PDCD10: variants seen among roughly 807,000 people sequenced by gnomAD.
The protein encoded by PDCD10 is programmed cell death 10.
A neutral mutation model predicts 29.2 loss-of-function variants in PDCD10; 4 were observed. The observed-to-expected ratio is 0.14, with a 90% CI of 0.07 to 0.31. PDCD10 has a LOEUF of 0.31. PDCD10 is among the 10% of genes least tolerant of loss of function. PDCD10 has a pLI of 1.00. For missense variants in PDCD10, 183 were observed against 257.9 expected (o/e 0.71, Z 1.99); for synonymous variants, 70 against 82.2 (o/e 0.85, Z 0.80).
At chr3:167,693,334 G>GT (rs1720458857) in intron 6 of PDCD10, among the ~76,000 whole-genome samples, 1 of 152,144 alleles carries the variant, frequency 6.6e-6, no homozygotes, top group Admixed American at 6.5e-5. Flanking sequence ...AAAAAGCCAC[G>GT]TATCATTATT....
intron 3 of PDCD10, among the ~76,000 whole-genome samples, chr3:167,712,280 T>C (rs1025053787): frequency 6.6e-6 from 1 of 152,104 alleles, no homozygotes; most frequent in South Asian, 2.1e-4. Flanking sequence ...ATAGAGATTT[T>C]ATTAGTTTTC....
In PDCD10 at chr3:167,724,424, G is replaced by C. The variant is rs150957844; in HGVS notation, c.-116-4151C>G. ...TTGATTGACTGACTGATGTATGCTG[G>C]ATCTCCAACAAATGTGCATGAACAT... On this transcript the variant is annotated intron_variant, in intron 2 of 8. Transcript: ENST00000392750. 1.8e-4 allele frequency among the ~76,000 whole-genome samples: 27 copies of C among 152,222 alleles called. No homozygotes were observed. In the East Asian group the frequency reaches 5.0e-3, roughly 28 times the overall value.
chr3:167,719,709 T>C (rs148519955), intron 3 of PDCD10, among the ~76,000 whole-genome samples: 360 of 152,272 alleles, frequency 2.4e-3, no homozygotes, highest in Non-Finnish European at 3.1e-3. Context: ...TTAGGATATA[T>C]GTCTCTTCTT....
At chr3:167,705,024 C>A in intron 3 of PDCD10, 129 bp from the exon 4 acceptor site, 1 of 589,852 alleles carries the variant, frequency 1.7e-6, no homozygotes, top group Non-Finnish European at 3.0e-6. Flanking sequence ...AACAATTGTA[C>A]ATCACCGTAA....
Position 167,724,212 on chromosome 3 carries a change from G to C in PDCD10, c.-116-3939C>G, listed in dbSNP as rs577875180. The stretch of plus-strand genomic sequence containing the variant: ...AAATGAAAGGAGAGGAACAACAGAA[G>C]CTCTTGGTACTGGTATAGGCACTTC... On this transcript the variant is annotated intron_variant, in intron 2 of 8. Coordinates refer to ENST00000392750, the MANE Select transcript of PDCD10 (RefSeq NM_007217.4). Among the ~76,000 whole-genome samples, 4 of 152,304 alleles carry C rather than the reference G, an allele frequency of 2.6e-5. No individual in the cohort carries two copies. The South Asian group carries it at 8.3e-4, about 32-fold the overall frequency.
At chr3:167,686,690 G>A (rs917229868) in intron 8 of PDCD10, among the ~76,000 whole-genome samples, 14 of 152,150 alleles carry the variant, frequency 9.2e-5, no homozygotes, top group Admixed American at 9.2e-4. Flanking sequence ...GGACCCTCGA[G>A]CAATTTGCAA....
intron 3 of PDCD10, among the ~76,000 whole-genome samples, chr3:167,717,135 A>G (rs912387413): frequency 6.6e-6 from 1 of 152,038 alleles, no homozygotes; most frequent in Admixed American, 6.6e-5. Flanking sequence ...CAAGAAGCCT[A>G]CTTCTTCTCA....
At chr3:167,691,767 A>T (rs1559948694) in intron 6 of PDCD10, among the ~76,000 whole-genome samples, 1 of 152,178 alleles carries the variant, frequency 6.6e-6, no homozygotes, top group Non-Finnish European at 1.5e-5. Flanking sequence ...TTACATCAAC[A>T]TTGGAAGTCT....
chr3:167,687,099 A>T, intron 8 of PDCD10, 135 bp downstream of exon 8: 1 of 579,556 alleles, frequency 1.7e-6, no homozygotes. Flanking sequence ...TCTATTGTTA[A>T]TGGTCTGCCT....
intron 2 of PDCD10, chr3:167,725,349 G>C (rs1192563999): frequency 6.6e-6 from 1 of 151,592 alleles, no homozygotes; most frequent in Non-Finnish European, 1.5e-5. Context: ...TGGTAGTCTG[G>C]CCATTTAACA....
chr3:167,684,828 C>A (rs1719414952), intron 8 of PDCD10, among the ~76,000 whole-genome samples: 1 of 152,164 alleles, frequency 6.6e-6, no homozygotes, highest in African/African-American at 2.4e-5. Context: ...ATCCCAATCT[C>A]TTTATCTCCT....
intron 3 of PDCD10, among the ~76,000 whole-genome samples, chr3:167,713,964 T>G (rs1722765890): frequency 6.6e-6 from 1 of 152,030 alleles, no homozygotes; most frequent in African/African-American, 2.4e-5. Flanking sequence ...TGCTGAATTC[T>G]GCCAAACATT....
At chr3:167,729,156 A>G (rs1724529071) in intron 2 of PDCD10, among the ~76,000 whole-genome samples, 1 of 152,232 alleles carries the variant, frequency 6.6e-6, no homozygotes, top group South Asian at 2.1e-4. Context: ...TGACTCTTGT[A>G]TTATAATATA....
chr3:167,711,305 T>C (rs532561633), intron 3 of PDCD10, among the ~76,000 whole-genome samples: 39 of 152,246 alleles, frequency 2.6e-4, no homozygotes, highest in African/African-American at 4.3e-4. Flanking sequence ...CAGAATCCTA[T>C]CCGACAAATT....
intron 3 of PDCD10, among the ~76,000 whole-genome samples, chr3:167,717,684 C>G (rs1009803371): frequency 1.3e-5 from 2 of 151,832 alleles, no homozygotes. Context: ...TATTTTACTC[C>G]ACTCCCAATT....
At chr3:167,701,676 A>G (rs1721454029) in intron 4 of PDCD10, among the ~76,000 whole-genome samples, 1 of 152,182 alleles carries the variant, frequency 6.6e-6, no homozygotes, top group Admixed American at 6.5e-5. Context: ...TATACATGGA[A>G]CCATAAGGCC....
chr3:167,700,350 G>T lies in PDCD10; in HGVS notation c.151-3224C>A, dbSNP rs61702773. Among the ~76,000 whole-genome samples, 22 of 152,106 alleles carry T rather than the reference G, an allele frequency of 1.4e-4. No individual in the cohort carries two copies. The East Asian group carries it at 4.1e-3, about 28-fold the overall frequency. On this transcript the variant is annotated intron_variant, in intron 4 of 8. Coordinates refer to ENST00000392750, the MANE Select transcript of PDCD10 (RefSeq NM_007217.4). ...TGTTTAGTGCAATACTTTAAACATG[G>T]GATAATACCATGGGACCCGACAAAG...
At chr3:167,716,485 C>G (rs898322449) in intron 3 of PDCD10, among the ~76,000 whole-genome samples, 1 of 151,856 alleles carries the variant, frequency 6.6e-6, no homozygotes, top group African/African-American at 2.4e-5. Flanking sequence ...GTGATTATTA[C>G]GCATTGCATG....
chr3:167,713,295 T>C (rs1722704043), intron 3 of PDCD10, among the ~76,000 whole-genome samples: 1 of 151,912 alleles, frequency 6.6e-6, no homozygotes, highest in Non-Finnish European at 1.5e-5. Context: ...TTTGAAACTA[T>C]ACAAACACAA....
Sources: gnomAD v4.1 joint callset for allele counts (sites outside exome capture counted in the v4.1 genomes callset) on GRCh38, gnomAD v4.1.1 for gene constraint, MANE v1.5 for transcripts, NCBI Gene and HGNC (gene_info 2026-07-23, HGNC 2026-07-21) for gene names.